GFRAL: variants seen among roughly 807,000 people sequenced by gnomAD.
The protein encoded by GFRAL is GDNF family receptor alpha like, also known as GDNF family receptor alpha-like.
GFRAL carries 36 observed loss-of-function variants against 45.4 expected under a neutral mutation model. That is an observed-to-expected ratio of 0.79 (90% CI 0.61 to 1.05). The LOEUF (loss-of-function observed/expected upper bound fraction) is 1.05. Ranked by LOEUF, GFRAL falls within the 50% of genes least tolerant of loss-of-function variation. The pLI is 0.00. For missense variants in GFRAL, 507 were observed against 467.5 expected, an observed-to-expected ratio of 1.08 and a Z score of -0.78; for synonymous variants, 166 against 154.1, an observed-to-expected ratio of 1.08 and a Z score of -0.57.
At chr6:55,379,984 A>C (rs9396086) in intron 6 of GFRAL, among the ~76,000 whole-genome samples, 151,663 of 152,030 alleles carry the variant, frequency 1, 75,652 homozygotes, top group Middle Eastern at 1. Context: ...AAAAAAATTC[A>C]TTTTTTTCCA....
chr6:55,377,353 T>A (rs1170298305), intron 6 of GFRAL, among the ~76,000 whole-genome samples: 2 of 151,858 alleles, frequency 1.3e-5, no homozygotes, highest in Admixed American at 1.3e-4. Context: ...GCCAAAACAA[T>A]AGTTAATTTC....
At chr6:55,361,892 G>C (rs183624154) in intron 6 of GFRAL, among the ~76,000 whole-genome samples, 115 of 152,070 alleles carry the variant, frequency 7.6e-4, no homozygotes, top group Non-Finnish European at 1.4e-3. Context: ...GACTGTGAAG[G>C]GAGGCTTTTC....
In GFRAL at chr6:55,366,148, A is replaced by T. The variant is rs887841479; in HGVS notation, c.952+7010A>T. On this transcript the variant is annotated intron_variant, in intron 6 of 8. Coordinates refer to ENST00000340465, the MANE Select transcript of GFRAL (RefSeq NM_207410.2). ...TTATTGGTCTATTCAGAGATTCAAC[A>T]TCTTCCTGGTTTAGTCTTGGGAGAG... 4.6e-5 allele frequency among the ~76,000 whole-genome samples: 7 copies of T among 151,848 alleles called. 1 individual carries two copies. Among genetic ancestry groups the T allele is most frequent in the Non-Finnish European group, 7.4e-5 (5 of 67,948 alleles).
intron 6 of GFRAL, among the ~76,000 whole-genome samples, chr6:55,360,275 C>T (rs1768255832): frequency 6.6e-6 from 1 of 151,942 alleles, no homozygotes; most frequent in Non-Finnish European, 1.5e-5. Flanking sequence ...AGATCCCTAG[C>T]TGTAACTACC....
intron 1 of GFRAL, among the ~76,000 whole-genome samples, chr6:55,329,652 T>A (rs745698720): frequency 6.6e-6 from 1 of 152,098 alleles, no homozygotes; most frequent in South Asian, 2.1e-4. Flanking sequence ...CTTGGCTAGA[T>A]GAGGTTGTCC....
At chr6:55,386,284 T>C (rs1250831599) in intron 6 of GFRAL, among the ~76,000 whole-genome samples, 3 of 152,152 alleles carry the variant, frequency 2.0e-5, no homozygotes, top group African/African-American at 7.2e-5. Flanking sequence ...CTTCTAGTAC[T>C]TACGTGTTTG....
intron 6 of GFRAL, among the ~76,000 whole-genome samples, chr6:55,385,246 A>G (rs1561865916): frequency 6.6e-6 from 1 of 152,112 alleles, no homozygotes; most frequent in Non-Finnish European, 1.5e-5. Context: ...TCTGCTTGCC[A>G]CTTTATCTCC....
At chr6:55,358,801 A>G (rs760109903) in intron 5 of GFRAL, 87 bp from the exon 6 acceptor site, 26 of 1,281,228 alleles carry the variant, frequency 2.0e-5, no homozygotes, top group Non-Finnish European at 2.9e-5. Context: ...ATTGTGTTCT[A>G]TGTCTTTCAT....
chr6:55,349,540 C>T (rs1768087143), intron 3 of GFRAL, among the ~76,000 whole-genome samples: 1 of 151,892 alleles, frequency 6.6e-6, no homozygotes, highest in African/African-American at 2.4e-5. Context: ...AGGGAACCAA[C>T]CAATGTTCCT....
At chr6:55,345,984 CAAT>C (rs1175233220) in intron 3 of GFRAL, among the ~76,000 whole-genome samples, 1 of 152,158 alleles carries the variant, frequency 6.6e-6, no homozygotes, top group Non-Finnish European at 1.5e-5. Context: ...ATCAAAACCA[CAAT>C]GAGATACCAT....
chr6:55,343,011 A>C (rs1767989854), intron 3 of GFRAL, among the ~76,000 whole-genome samples: 1 of 152,194 alleles, frequency 6.6e-6, no homozygotes, highest in South Asian at 2.1e-4. Flanking sequence ...ATACAGGAGC[A>C]CCCAGATTCA....
At chr6:55,360,183 T>A (rs968984347) in intron 6 of GFRAL, among the ~76,000 whole-genome samples, 22 of 151,942 alleles carry the variant, frequency 1.4e-4, no homozygotes, top group African/African-American at 5.1e-4. Flanking sequence ...CATGTAATAA[T>A]TCAAAACCTC....
intron 6 of GFRAL, among the ~76,000 whole-genome samples, chr6:55,370,204 A>C (rs1186660402): frequency 6.6e-6 from 1 of 152,060 alleles, no homozygotes; most frequent in Non-Finnish European, 1.5e-5. Flanking sequence ...AGTTAAAGAA[A>C]AATAACATTG....
rs2127354926 is a variant in GFRAL at position 55,350,163 on chromosome 6, T to G, written c.370+18T>G. On this transcript the variant is annotated intron_variant, in intron 4 of 8. Transcript: ENST00000340465. ...CCATCATGGTAATGTTTTTAAGTTATTATTTTGATCTGCATTGCAAATACC... is the reference window on the plus strand; with the variant it reads ...CCATCATGGTAATGTTTTTAAGTTAGTATTTTGATCTGCATTGCAAATACC... 1 of 1,465,840 alleles carries G rather than the reference T, an allele frequency of 6.8e-7. No homozygotes were observed. The highest frequency in any genetic ancestry group is 1.1e-5 in the South Asian group (1 of 87,232). 90.8% of individuals were successfully genotyped at this position (1,465,840 alleles called of 1,614,324 possible). A position where few individuals can be genotyped will look rare whatever the true frequency, so the allele number is the denominator to read the frequency against.
intron 4 of GFRAL, among the ~76,000 whole-genome samples, chr6:55,350,999 A>G (rs1342969944): frequency 1.3e-5 from 2 of 152,062 alleles, no homozygotes; most frequent in Non-Finnish European, 2.9e-5. Flanking sequence ...CCTTCAGCTC[A>G]ATTTTGGCCC....
chr6:55,330,185 T>A (rs1047034953), intron 1 of GFRAL, among the ~76,000 whole-genome samples: 2 of 152,198 alleles, frequency 1.3e-5, no homozygotes, highest in Non-Finnish European at 2.9e-5. Flanking sequence ...AACTTGTAAA[T>A]ATCTGGAAGG....
At chr6:55,349,769 T>G (rs533624343) in intron 3 of GFRAL, among the ~76,000 whole-genome samples, 89 of 151,768 alleles carry the variant, frequency 5.9e-4, no homozygotes, top group African/African-American at 2.0e-3. Context: ...TTCTGTTTTT[T>G]TTTTTTTTTT....
intron 6 of GFRAL, among the ~76,000 whole-genome samples, chr6:55,371,950 C>T (rs1768457248): frequency 6.6e-6 from 1 of 152,164 alleles, no homozygotes; most frequent in African/African-American, 2.4e-5. Flanking sequence ...GTTTCAATTT[C>T]CTTTTCTCTA....
chr6:55,375,017 T>A (rs1279335146), intron 6 of GFRAL, among the ~76,000 whole-genome samples: 1 of 152,178 alleles, frequency 6.6e-6, no homozygotes. Flanking sequence ...ACTGTTTTGG[T>A]TACTGTAGCC....
Sources: allele counts gnomAD v4.1 joint callset (sites outside exome capture counted in the v4.1 genomes callset), GRCh38; gene constraint gnomAD v4.1.1; transcripts MANE v1.5; gene names NCBI Gene and HGNC (gene_info 2026-07-23, HGNC 2026-07-21).